ARL14EPL: variants seen among roughly 807,000 people sequenced by gnomAD.
ARL14EPL encodes the protein ARF like GTPase 14 effector protein like, also known as ARL14 effector protein-like.
In ARL14EPL, 17 loss-of-function variants were observed where a neutral mutation model predicts 15.9. The observed-to-expected ratio is 1.07, with a 90% CI of 0.73 to 1.60. ARL14EPL has a LOEUF of 1.60. ARL14EPL is among the 40% of genes most tolerant of loss of function. The pLI is 0.00. For missense variants in ARL14EPL, 214 were observed against 185.9 expected, an observed-to-expected ratio of 1.15 and a Z score of -0.88; for synonymous variants, 78 against 63.8, an observed-to-expected ratio of 1.22 and a Z score of -1.06.
At chr5:116,042,321 A>G (rs1348038956) in intron 1 of ARL14EPL, among the ~76,000 whole-genome samples, 1 of 152,092 alleles carries the variant, frequency 6.6e-6, no homozygotes, top group Non-Finnish European at 1.5e-5. Flanking sequence ...CCCTTTTATC[A>G]TTGGCACATT....
intron 1 of ARL14EPL, 107 bp from the exon 2 acceptor site, chr5:116,051,350 T>A (rs1749372934): frequency 1.4e-6 from 1 of 732,086 alleles, no homozygotes; most frequent in South Asian, 1.9e-5. Flanking sequence ...TACAGTCTGG[T>A]TTTGAATAAA....
chr5:116,058,998 G>T lies in ARL14EPL; in HGVS notation c.*51G>T. 1 of 1,495,130 alleles carries T rather than the reference G, an allele frequency of 6.7e-7. No individual in the cohort carries two copies. The highest frequency in any genetic ancestry group is 1.2e-5 in the South Asian group (1 of 82,656). The allele number at this position is 1,495,130 out of a possible 1,614,324, so 92.6% of individuals were successfully genotyped here. Reference sequence around the variant, plus strand: ...TTTCTTCTTCTTACACATTTAAGTTGACCTCTTTCTTTTGGGTGAATTTTA... The same window carrying T: ...TTTCTTCTTCTTACACATTTAAGTTTACCTCTTTCTTTTGGGTGAATTTTA... On this transcript the variant is annotated 3_prime_UTR_variant, in exon 4 of 4. Coordinates refer to ENST00000686077, the MANE Select transcript of ARL14EPL (RefSeq NM_001195581.2).
chr5:116,050,833 A>ACACACACACACACACACG (rs1432526634), intron 1 of ARL14EPL, among the ~76,000 whole-genome samples: 1 of 35,070 alleles, frequency 2.9e-5, no homozygotes, highest in Admixed American at 2.8e-4. Flanking sequence ...ACACATGCAC[A>ACACACACACACACACACG]CACACACACA....
At chr5:116,035,712 A>C (rs1485523031) in intron 1 of ARL14EPL, among the ~76,000 whole-genome samples, 1 of 152,170 alleles carries the variant, frequency 6.6e-6, no homozygotes, top group African/African-American at 2.4e-5. Context: ...CCTCAAGGAG[A>C]GGGTCAACTT....
chr5:116,056,056 A>T (rs1749508950), intron 3 of ARL14EPL, among the ~76,000 whole-genome samples: 1 of 152,102 alleles, frequency 6.6e-6, no homozygotes, highest in Non-Finnish European at 1.5e-5. Flanking sequence ...ATTGTTGGAC[A>T]TTTCGGTTGG....
At chr5:116,048,568 A>T (rs1294296089) in intron 1 of ARL14EPL, among the ~76,000 whole-genome samples, 1 of 152,180 alleles carries the variant, frequency 6.6e-6, no homozygotes, top group Admixed American at 6.6e-5. Flanking sequence ...TGACAGTAAT[A>T]CATGTGCCCA....
Position 116,054,038 on chromosome 5 carries a change from T to G in ARL14EPL, c.121T>G (p.Cys41Gly), listed in dbSNP as rs571352686. ...GCAACAAATAGAGCGGCAGTTAAAA[T>G]GCTTGGCATTTCGAAACCCTGGACC... is the stretch of plus-strand genomic sequence containing the variant. ...QLQQIERQLK[C>G]LAFRNPGPQV... The change falls in exon 3 of 4, where the codon TGC (cysteine) becomes GGC (glycine). Residue 41 changes from cysteine to glycine, a missense_variant. Physicochemically the swap from Cys to Gly is radical, Grantham distance 159. Transcript: ENST00000686077. 1 of 1,535,376 alleles carries G rather than the reference T, an allele frequency of 6.5e-7. No homozygotes were observed. Among genetic ancestry groups the G allele is most frequent in the African/African-American group, 1.4e-5 (1 of 73,018 alleles).
intron 1 of ARL14EPL, among the ~76,000 whole-genome samples, chr5:116,047,601 G>A (rs1461406675): frequency 2.6e-5 from 4 of 152,202 alleles, no homozygotes; most frequent in Non-Finnish European, 4.4e-5. Flanking sequence ...CTAAAAGGCC[G>A]AGTGGGGAAA....
chr5:116,036,913 C>T (rs1580409938), intron 1 of ARL14EPL, among the ~76,000 whole-genome samples: 2 of 147,962 alleles, frequency 1.4e-5, no homozygotes, highest in East Asian at 4.0e-4. Flanking sequence ...TTGATGTTTT[C>T]CTTTAAAGGC....
intron 1 of ARL14EPL, among the ~76,000 whole-genome samples, chr5:116,034,937 G>C (rs1749022245): frequency 6.6e-6 from 1 of 152,172 alleles, no homozygotes; most frequent in African/African-American, 2.4e-5. Flanking sequence ...ATGGGCAAAG[G>C]TTAAAGTTAC....
At chr5:116,035,163 T>G (rs1042966277) in intron 1 of ARL14EPL, among the ~76,000 whole-genome samples, 2 of 152,286 alleles carry the variant, frequency 1.3e-5, no homozygotes, top group African/African-American at 4.8e-5. Context: ...ACAGCTGCCT[T>G]AGAAGTTTTC....
At chr5:116,034,477 T>C (rs1357881530) in intron 1 of ARL14EPL, among the ~76,000 whole-genome samples, 1 of 152,220 alleles carries the variant, frequency 6.6e-6, no homozygotes, top group African/African-American at 2.4e-5. Context: ...GCACTAGAAA[T>C]GAAGTATTAT....
chr5:116,054,281 A>G (rs1172766861), intron 3 of ARL14EPL, 128 bp downstream of exon 3: 2 of 1,071,748 alleles, frequency 1.9e-6, no homozygotes, highest in East Asian at 5.3e-5. Context: ...GAAATATAAT[A>G]GTACCCATGT....
At chr5:116,050,115 C>A (rs1249894245) in intron 1 of ARL14EPL, among the ~76,000 whole-genome samples, 1 of 152,084 alleles carries the variant, frequency 6.6e-6, no homozygotes, top group Non-Finnish European at 1.5e-5. Context: ...GGAGAAATAA[C>A]AAGGTGATTT....
chr5:116,033,798 T>C (rs990977951), intron 1 of ARL14EPL, among the ~76,000 whole-genome samples: 4 of 152,230 alleles, frequency 2.6e-5, no homozygotes, highest in African/African-American at 7.2e-5. Flanking sequence ...GCTAAAAAGT[T>C]TGTTTCGTGA....
At chr5:116,054,309 C>A (rs2112680556) in intron 3 of ARL14EPL, among the ~76,000 whole-genome samples, 156 bp downstream of exon 3, 1 of 152,198 alleles carries the variant, frequency 6.6e-6, no homozygotes, top group South Asian at 2.1e-4. Flanking sequence ...CGTTAGCAAC[C>A]TTAAGAAACA....
intron 3 of ARL14EPL, among the ~76,000 whole-genome samples, chr5:116,056,969 C>CA (rs1749531436): frequency 6.6e-6 from 1 of 152,084 alleles, no homozygotes; most frequent in African/African-American, 2.4e-5. Flanking sequence ...AGAGACACAA[C>CA]AAAAAGAGAG....
intron 1 of ARL14EPL, among the ~76,000 whole-genome samples, chr5:116,032,962 C>T (rs1382687564): frequency 6.6e-6 from 1 of 151,900 alleles, no homozygotes; most frequent in African/African-American, 2.4e-5. Context: ...CATGCCTGGA[C>T]AATTTTTTGT....
chr5:116,040,979 C>CAAAAAAAAAAAAAAAA (rs56060606), intron 1 of ARL14EPL, among the ~76,000 whole-genome samples: 12,916 of 63,104 alleles, frequency 0.2, 3,050 homozygotes, highest in Non-Finnish European at 0.27. Context: ...GATTCCCTCT[C>CAAAAAAAAAAAAAAAA]AAAAAAAAAA....
Sources: allele counts gnomAD v4.1 joint callset (sites outside exome capture counted in the v4.1 genomes callset), GRCh38; gene constraint gnomAD v4.1.1; transcripts MANE v1.5; gene names NCBI Gene and HGNC (gene_info 2026-07-23, HGNC 2026-07-21).